Variants in DOK5 observed in about 807,000 individuals in gnomAD.
The protein encoded by DOK5 is downstream of tyrosine kinase 5.
Under a neutral mutation model 43.3 loss-of-function variants are expected in DOK5, and 27 were observed. The ratio of observed to expected loss-of-function variants is 0.62; its 90% CI spans 0.46 to 0.86. The LOEUF (loss-of-function observed/expected upper bound fraction) is 0.86, where lower values mean the gene tolerates loss of function less well. Among genes scored for constraint, DOK5 ranks in the 40% least tolerant of loss-of-function variants. The probability of loss-of-function intolerance (pLI) is 0.00; values close to 1 mark genes in which losing one functional copy is unlikely to be tolerated. For missense variants in DOK5, 373 were observed against 392.9 expected, an observed-to-expected ratio of 0.95 and a Z score of 0.43; for synonymous variants, 146 against 140.1, an observed-to-expected ratio of 1.04 and a Z score of -0.30.
intron 2 of DOK5, among the ~76,000 whole-genome samples, chr20:54,565,491 G>T (rs1236971948): frequency 1.3e-5 from 2 of 152,198 alleles, no homozygotes; most frequent in African/African-American, 4.8e-5. Context: ...TTGGCCAGGT[G>T]CAGTGGCTCA....
chr20:54,600,503 C>G (rs1986271683), intron 5 of DOK5, among the ~76,000 whole-genome samples: 1 of 152,066 alleles, frequency 6.6e-6, no homozygotes, highest in Non-Finnish European at 1.5e-5. Flanking sequence ...AGATTGAAAT[C>G]AAGCAAGCAA....
intron 2 of DOK5, among the ~76,000 whole-genome samples, chr20:54,588,000 A>T (rs1985863753): frequency 6.6e-6 from 1 of 152,174 alleles, no homozygotes; most frequent in East Asian, 1.9e-4. Flanking sequence ...CTAGTTATGA[A>T]TTGGACCACT....
chr20:54,624,418 C>G (rs1987076335), intron 6 of DOK5, among the ~76,000 whole-genome samples: 1 of 152,170 alleles, frequency 6.6e-6, no homozygotes, highest in Non-Finnish European at 1.5e-5. Flanking sequence ...AGGGACAAGG[C>G]CCCATGGGTG....
intron 1 of DOK5, among the ~76,000 whole-genome samples, chr20:54,479,921 A>T (rs1219252807): frequency 6.6e-6 from 1 of 151,940 alleles, no homozygotes; most frequent in African/African-American, 2.4e-5. Context: ...ATCCATCAGG[A>T]GATCTTGTGG....
rs551457111 is a variant in DOK5 at position 54,567,454 on chromosome 20, A to G, written c.174+12414A>G. ...GAAAAAAATTATTCTTTCCTTATTG[A>G]ATTGATTTTTTTACCTTTGTCAAAA... On this transcript the variant is annotated intron_variant, in intron 2 of 7. Transcript: ENST00000262593. Among the ~76,000 whole-genome samples the G allele has an allele frequency of 2.6e-5, 4 of 152,118 alleles. No individual in the cohort carries two copies. In the South Asian group the frequency reaches 8.3e-4, roughly 32 times the overall value.
intron 5 of DOK5, among the ~76,000 whole-genome samples, chr20:54,592,899 G>A (rs975608270): frequency 6.6e-6 from 1 of 151,972 alleles, no homozygotes; most frequent in Non-Finnish European, 1.5e-5. Flanking sequence ...TCTGTATATG[G>A]CCTGACATTA....
chr20:54,505,651 A>G (rs991328285), intron 1 of DOK5, among the ~76,000 whole-genome samples: 1 of 151,206 alleles, frequency 6.6e-6, no homozygotes, highest in African/African-American at 2.5e-5. Context: ...ATAAAGAGAA[A>G]GAGAGAGAAA....
At chr20:54,594,208 T>C (rs1386200107) in intron 5 of DOK5, among the ~76,000 whole-genome samples, 1 of 151,980 alleles carries the variant, frequency 6.6e-6, no homozygotes, top group Non-Finnish European at 1.5e-5. Context: ...GGGTATATTG[T>C]ACAAAAAATA....
At chr20:54,490,512 C>T (rs1199746047) in intron 1 of DOK5, among the ~76,000 whole-genome samples, 1 of 152,126 alleles carries the variant, frequency 6.6e-6, no homozygotes, top group Non-Finnish European at 1.5e-5. Context: ...GTACTGAGTG[C>T]TAGATATAAT....
At chr20:54,595,117 A>G (rs969472759) in intron 5 of DOK5, among the ~76,000 whole-genome samples, 11 of 152,184 alleles carry the variant, frequency 7.2e-5, no homozygotes, top group East Asian at 5.8e-4. Context: ...CAAGGCGGGC[A>G]GATCACGAGG....
chr20:54,545,852 C>T (rs114884484), intron 1 of DOK5, among the ~76,000 whole-genome samples: 90 of 152,258 alleles, frequency 5.9e-4, no homozygotes, highest in Admixed American at 2.5e-3. Flanking sequence ...AAATCACAAA[C>T]GCAAATGTCA....
intron 6 of DOK5, among the ~76,000 whole-genome samples, chr20:54,616,070 C>T (rs576838594): frequency 7.9e-5 from 12 of 152,158 alleles, no homozygotes; most frequent in South Asian, 2.1e-4. Context: ...TAATTTGTTT[C>T]GACAGCCATA....
At chr20:54,619,023 TTATATATATATATATATATATATATA>T (rs11468808) in intron 6 of DOK5, among the ~76,000 whole-genome samples, 1,488 of 43,410 alleles carry the variant, frequency 0.034, 60 homozygotes, top group Middle Eastern at 0.071. Context: ...TTTCAATAAA[TTATATATATATATATATATATATATA>T]TATATATATA....
intron 6 of DOK5, among the ~76,000 whole-genome samples, chr20:54,616,784 C>CTTTTTTTTTTTTTTTTTTTTTTT (rs550110589): frequency 9.5e-6 from 1 of 105,746 alleles, no homozygotes; most frequent in Non-Finnish European, 1.8e-5. Context: ...TTTTTTTTTT[C>CTTTTTTTTTTTTTTTTTTTTTTT]TTTTTTTTTT....
intron 1 of DOK5, among the ~76,000 whole-genome samples, chr20:54,481,954 T>C (rs1981738972): frequency 6.6e-6 from 1 of 152,258 alleles, no homozygotes; most frequent in African/African-American, 2.4e-5. Flanking sequence ...TCACTCCTAC[T>C]TCCAGTGTGG....
At chr20:54,492,046 A>AT (rs1175139666) in intron 1 of DOK5, among the ~76,000 whole-genome samples, 1 of 152,022 alleles carries the variant, frequency 6.6e-6, no homozygotes, top group Admixed American at 6.6e-5. Context: ...ATATGTATAT[A>AT]TGACATATAT....
intron 2 of DOK5, among the ~76,000 whole-genome samples, chr20:54,563,199 T>G (rs1046076127): frequency 6.6e-5 from 10 of 152,176 alleles, no homozygotes; most frequent in Non-Finnish European, 1.5e-4. Context: ...GGCTCTGGCC[T>G]CCAGAACTGT....
At chr20:54,599,177 G>A (rs1320659188) in intron 5 of DOK5, among the ~76,000 whole-genome samples, 2 of 152,180 alleles carry the variant, frequency 1.3e-5, no homozygotes, top group Non-Finnish European at 2.9e-5. Context: ...AAGCAATCCA[G>A]TATGCTGAGC....
chr20:54,531,374 GA>G (rs901739743), intron 1 of DOK5, among the ~76,000 whole-genome samples: 1 of 152,166 alleles, frequency 6.6e-6, no homozygotes, highest in African/African-American at 2.4e-5. Context: ...TTTCAATTTT[GA>G]GTGAGTTTGG....
Sources: gnomAD v4.1 joint callset for allele counts (sites outside exome capture counted in the v4.1 genomes callset) on GRCh38, gnomAD v4.1.1 for gene constraint, MANE v1.5 for transcripts, NCBI Gene and HGNC (gene_info 2026-07-23, HGNC 2026-07-21) for gene names.